The following GSE1 variants were observed in gnomAD, a reference collection of about 807,000 sequenced individuals.
GSE1 encodes the protein Gse1 coiled-coil protein, also known as genetic suppressor element 1.
GSE1 carries 32 observed loss-of-function variants against 112.6 expected under a neutral mutation model. That is an observed-to-expected ratio of 0.28 (90% CI 0.21 to 0.38). GSE1 has a LOEUF of 0.38. Ranked by LOEUF, GSE1 falls within the 10% of genes least tolerant of loss-of-function variation. The pLI, the probability that GSE1 is intolerant of heterozygous loss-of-function variation, is 1.00. For synonymous variants in GSE1, 1,115 were observed against 735.6 expected (o/e 1.52, Z -8.35); for missense variants, 2,348 against 1,699.2 (o/e 1.38, Z -6.71).
chr16:85,589,967 G>A (rs747058736), intron 1 of GSE1, among the ~76,000 whole-genome samples: 2 of 152,196 alleles, frequency 1.3e-5, no homozygotes, highest in South Asian at 2.1e-4. Context: ...GAGAGTGATC[G>A]TGTGGTGTGT....
Position 85,657,362 on chromosome 16 carries a change from C to T in GSE1, c.1398C>T (p.Pro466=), listed in dbSNP as rs2151939324. 6.2e-7 allele frequency: 1 copy of T among 1,612,354 alleles called. No homozygotes were observed. The highest frequency in any genetic ancestry group is 1.1e-5 in the South Asian group (1 of 90,982). ...TGCCCACCCCACACCACACGGTGCC[C>T]AGCCTCATCTCCAACCATGGCATCT... ...HPVPTPHHTV[P]SLISNHGIFS... The change falls in exon 8 of 16, where the codon CCC becomes CCT. Residue 466 remains proline, a synonymous_variant. Coordinates refer to ENST00000253458, the MANE Select transcript of GSE1 (RefSeq NM_014615.5).
At chr16:85,314,162 C>T (rs1567682351) in intron 1 of GSE1, among the ~76,000 whole-genome samples, 1 of 152,126 alleles carries the variant, frequency 6.6e-6, no homozygotes, top group Admixed American at 6.5e-5. Context: ...CCCCAGCCTC[C>T]CTCCCCTGAG....
intron 2 of GSE1, among the ~76,000 whole-genome samples, chr16:85,358,903 C>A (rs4783172): frequency 0.4 from 60,906 of 152,074 alleles, 13,010 homozygotes; most frequent in East Asian, 0.54. Flanking sequence ...GGAGGAATGG[C>A]TAAGAGCCTT....
chr16:85,364,154 C>A (rs1461473792), intron 2 of GSE1, among the ~76,000 whole-genome samples: 1 of 152,218 alleles, frequency 6.6e-6, no homozygotes, highest in African/African-American at 2.4e-5. Context: ...GTTTCTGTGC[C>A]TTCTGCAGCT....
chr16:85,599,276 A>C (rs542482134), intron 1 of GSE1, among the ~76,000 whole-genome samples: 1 of 152,362 alleles, frequency 6.6e-6, no homozygotes, highest in South Asian at 2.1e-4. Context: ...ATAAATTACA[A>C]TTAATTTTTA....
chr16:85,434,098 A>G (rs1197445766), intron 2 of GSE1, among the ~76,000 whole-genome samples: 1 of 152,128 alleles, frequency 6.6e-6, no homozygotes, highest in East Asian at 1.9e-4. Context: ...CAAAGTCTGA[A>G]GGACTGTGGC....
At chr16:85,474,921 C>T (rs1233909970) in intron 2 of GSE1, among the ~76,000 whole-genome samples, 2 of 152,124 alleles carry the variant, frequency 1.3e-5, no homozygotes, top group Non-Finnish European at 2.9e-5. Context: ...CTGACAGATT[C>T]GTGGCCAGGA....
At chr16:85,173,633 A>T (rs1287779651) in intron 1 of GSE1, among the ~76,000 whole-genome samples, 1 of 152,152 alleles carries the variant, frequency 6.6e-6, no homozygotes, top group East Asian at 1.9e-4. Context: ...CAAATCCTCA[A>T]ACACAGGGTT....
chr16:85,290,719 A>T (rs1362388762), intron 1 of GSE1, among the ~76,000 whole-genome samples: 1 of 152,166 alleles, frequency 6.6e-6, no homozygotes, highest in South Asian at 2.1e-4. Context: ...CGAGACACAC[A>T]AAGATAGGAG....
At chr16:85,410,224 A>T (rs1422537415) in intron 2 of GSE1, among the ~76,000 whole-genome samples, 1 of 16,866 alleles carries the variant, frequency 5.9e-5, no homozygotes, top group Non-Finnish European at 1.0e-4. Context: ...TCACTGTTAC[A>T]CTCAGGGCCC....
chr16:85,672,514 G>T lies in GSE1; in HGVS notation c.3629G>T (p.Gly1210Val). ...TTGCCTGCAATGCACTGGCCTAGGG[G>T]CTACCTGAAGGGATATCCCAGGTGA... ...LALPAMHWPR[G>V]YLKGYPR The change falls in exon 16 of 16, where the codon GGC (glycine) becomes GTC (valine). Residue 1210 changes from glycine (G) to valine (V), a missense_variant. Gly to Val is a moderately radical substitution (Grantham distance 109). Transcript: ENST00000253458. 6.2e-7 allele frequency: 1 copy of T among 1,610,622 alleles called. No individual in the cohort carries two copies. Among genetic ancestry groups the T allele is most frequent in the East Asian group, 2.2e-5 (1 of 44,790 alleles).
chr16:85,230,570 T>G (rs1284159959), intron 1 of GSE1, among the ~76,000 whole-genome samples: 19 of 152,216 alleles, frequency 1.2e-4, no homozygotes, highest in Admixed American at 1.2e-3. Context: ...CGGGGGTTCA[T>G]TCTCCAGCAG....
chr16:85,663,104 C>G lies in GSE1; in HGVS notation c.2373+11C>G, dbSNP rs1356538278. On this transcript the variant is annotated intron_variant, in intron 10 of 15. Coordinates refer to ENST00000253458, the MANE Select transcript of GSE1 (RefSeq NM_014615.5). ...GACACGTCCTCTGAGGTACTGGGCT[C>G]TCCTCCCCACGGACATGCTCTGGGC... The G allele has an allele frequency of 4.5e-6, 7 of 1,554,872 alleles. No homozygotes were observed. In the Admixed American group the frequency reaches 5.0e-5, roughly 11 times the overall value.
At chr16:85,460,047 T>C (rs189577878) in intron 2 of GSE1, among the ~76,000 whole-genome samples, 18 of 152,300 alleles carry the variant, frequency 1.2e-4, no homozygotes, top group Admixed American at 9.8e-4. Flanking sequence ...GGCCCCGCAG[T>C]GCACATACCT....
intron 1 of GSE1, among the ~76,000 whole-genome samples, chr16:85,590,586 T>C (rs1310686489): frequency 6.6e-6 from 1 of 151,576 alleles, no homozygotes; most frequent in Non-Finnish European, 1.5e-5. Flanking sequence ...AGTATGAACA[T>C]GTGTGATTGA....
chr16:85,392,082 C>G (rs561979453), intron 2 of GSE1, among the ~76,000 whole-genome samples: 7 of 152,330 alleles, frequency 4.6e-5, no homozygotes, highest in African/African-American at 1.7e-4. Flanking sequence ...CAGCCTCACC[C>G]CCCACTCCCT....
chr16:85,177,437 G>A (rs553295699), intron 1 of GSE1, among the ~76,000 whole-genome samples: 2 of 152,310 alleles, frequency 1.3e-5, no homozygotes, highest in Middle Eastern at 3.4e-3. Flanking sequence ...GAGCGTTGCA[G>A]GACTTGCCTC....
At chr16:85,198,630 GCCCTGGATGCCACGGTTCTT>G (rs910639975) in intron 1 of GSE1, among the ~76,000 whole-genome samples, 21 of 151,264 alleles carry the variant, frequency 1.4e-4, no homozygotes, top group African/African-American at 5.2e-4. Context: ...TGCCCACTCA[GCCCTGGATGCCACGGTTCTT>G]TCTGCTGAGA....
At chr16:85,231,600 A>T (rs1904287661) in intron 1 of GSE1, among the ~76,000 whole-genome samples, 1 of 152,184 alleles carries the variant, frequency 6.6e-6, no homozygotes, top group Admixed American at 6.5e-5. Flanking sequence ...CAGTGGTTAG[A>T]TGCACGGGTG....
Sources: allele counts gnomAD v4.1 joint callset (sites outside exome capture counted in the v4.1 genomes callset), GRCh38; gene constraint gnomAD v4.1.1; transcripts MANE v1.5; gene names NCBI Gene and HGNC (gene_info 2026-07-23, HGNC 2026-07-21).